Variants in PLEKHS1 observed in about 807,000 individuals in gnomAD.
PLEKHS1 encodes pleckstrin homology domain containing S1.
PLEKHS1 carries 55 observed loss-of-function variants against 51.0 expected under a neutral mutation model. The observed-to-expected ratio is 1.08, with a 90% confidence interval of 0.87 to 1.35. PLEKHS1 has a LOEUF of 1.35. PLEKHS1 is among the 40% of genes most tolerant of loss of function. The pLI is 0.00. For synonymous variants in PLEKHS1, 153 were observed against 144.8 expected (o/e 1.06, Z -0.41); for missense variants, 398 against 423.0 (o/e 0.94, Z 0.52).
intron 6 of PLEKHS1, 29 bp downstream of exon 6, chr10:113,768,919 G>C: frequency 6.4e-7 from 1 of 1,553,312 alleles, no homozygotes; most frequent in Non-Finnish European, 8.8e-7. Context: ...TAAAATAACA[G>C]GGCACCTGAA....
chr10:113,755,170 A>C, intron 1 of PLEKHS1, 89 bp from the exon 2 acceptor site: 7 of 1,407,730 alleles, frequency 5.0e-6, no homozygotes, highest in Non-Finnish European at 6.7e-6. Flanking sequence ...TCGTGAGCAC[A>C]ATCCTGATAC....
At chr10:113,774,715 A>G (rs933977813) in intron 9 of PLEKHS1, 111 bp from the exon 10 acceptor site, 5 of 917,170 alleles carry the variant, frequency 5.5e-6, no homozygotes, top group Admixed American at 4.2e-5. Context: ...ACATACGTCA[A>G]GACCTTGCTA....
At chr10:113,770,063 G>A (rs1025483305) in intron 7 of PLEKHS1, among the ~76,000 whole-genome samples, 163 bp downstream of exon 7, 1 of 152,214 alleles carries the variant, frequency 6.6e-6, no homozygotes, top group Non-Finnish European at 1.5e-5. Context: ...TACCACAGAT[G>A]AGCCTCACTG....
At position 113,777,269 on chromosome 10, in the gene PLEKHS1, A is replaced by G. The variant is rs1172074145; in HGVS notation, c.1091+1403A>G. 6.2e-7 allele frequency: 1 copy of G among 1,612,682 alleles called. No homozygotes were observed. The highest frequency in any genetic ancestry group is 2.2e-5 in the East Asian group (1 of 44,896). On this transcript the variant is annotated intron_variant, in intron 11 of 11. Coordinates refer to ENST00000361048, the Ensembl canonical transcript of PLEKHS1. ...GTCCATCCAGAAGGAGGTGAGTCGT[A>G]CTGACCAGCCCTGAACAGGGCAAAT...
rs756513733 is a variant in PLEKHS1, at chr10:113,774,895, C to A, written c.849C>A (p.Thr283=). Reference sequence around the variant, plus strand: ...AGGAACCCCAGACCCTTCCAGAGACCCAGGATGGGGACCTCCACCTGCAAG... The same window carrying A: ...AGGAACCCCAGACCCTTCCAGAGACACAGGATGGGGACCTCCACCTGCAAG... The change falls in exon 10 of 12, where the codon ACC becomes ACA. Residue 283 remains threonine (T), a synonymous_variant. Coordinates refer to ENST00000361048, the Ensembl canonical transcript of PLEKHS1. 135 of 1,614,000 alleles carry A rather than the reference C, an allele frequency of 8.4e-5. 2 individuals are homozygous for A. In the South Asian group the frequency reaches 1.4e-3, roughly 17 times the overall value.
At position 113,770,913 on chromosome 10, in the gene PLEKHS1, T is replaced by C. The variant is rs188652129; in HGVS notation, c.552+1013T>C. Among the ~76,000 whole-genome samples, 541 of 152,318 alleles carry C rather than the reference T, an allele frequency of 3.6e-3. 6 individuals are homozygous for C. Among genetic ancestry groups the C allele is most frequent in the African/African-American group, 0.013 (525 of 41,574 alleles). On this transcript the variant is annotated intron_variant, in intron 7 of 11. Transcript: ENST00000361048. Reference sequence around the variant, plus strand: ...TGGTGTTGTTGTTGGTTAAATTAAGTGGGCTGCCTTTACCCCCAACTCAGC... The same window carrying C: ...TGGTGTTGTTGTTGGTTAAATTAAGCGGGCTGCCTTTACCCCCAACTCAGC...
intron 9 of PLEKHS1, 111 bp from the exon 10 acceptor site, chr10:113,774,715 A>C (rs933977813): frequency 1.1e-6 from 1 of 917,288 alleles, no homozygotes; most frequent in African/African-American, 1.7e-5. Context: ...ACATACGTCA[A>C]GACCTTGCTA....
chr10:113,774,745 C>A, intron 9 of PLEKHS1, 81 bp from the exon 10 acceptor site: 2 of 1,271,706 alleles, frequency 1.6e-6, no homozygotes, highest in Non-Finnish European at 2.3e-6. Context: ...TGGCTGTTAG[C>A]TACTTAAATC....
chr10:113,774,778 TA>T (rs1338607188), intron 9 of PLEKHS1, 47 bp from the exon 10 acceptor site: 1 of 1,554,284 alleles, frequency 6.4e-7, no homozygotes, highest in Non-Finnish European at 8.9e-7. Context: ...GGGAACACTG[TA>T]AAAACACATG....
chr10:113,758,600 T>C (rs1282333501), intron 2 of PLEKHS1, among the ~76,000 whole-genome samples: 2 of 152,168 alleles, frequency 1.3e-5, no homozygotes, highest in African/African-American at 4.8e-5. Flanking sequence ...AGCTTTTAAT[T>C]GAAAGTGAGA....
At chr10:113,768,794 A>C in intron 5 of PLEKHS1, 21 bp from the exon 6 acceptor site, 2 of 1,602,304 alleles carry the variant, frequency 1.2e-6, no homozygotes, top group Non-Finnish European at 1.7e-6. Context: ...ATGCCAACTG[A>C]AAGTTTATTC....
At chr10:113,783,247 A>C (rs1400202862), downstream of PLEKHS1, 1 of 152,156 alleles carries the variant, frequency 6.6e-6, no homozygotes, top group Non-Finnish European at 1.5e-5. Context: ...AAAAAAAAAA[A>C]AAATCATGTG....
At chr10:113,772,160 T>C (rs891413655) in intron 8 of PLEKHS1, 71 bp downstream of exon 8, 5 of 1,540,144 alleles carry the variant, frequency 3.2e-6, no homozygotes, top group Admixed American at 3.5e-5. Context: ...CATGCACTTT[T>C]CGTGCAATAT....
intron 5 of PLEKHS1, among the ~76,000 whole-genome samples, chr10:113,768,515 G>T (rs919316142): frequency 1.3e-5 from 2 of 152,130 alleles, no homozygotes; most frequent in South Asian, 2.1e-4. Context: ...CAGGTTAGGG[G>T]GCTTGCTTGA....
At position 113,777,712 on chromosome 10, in the gene PLEKHS1, T is replaced by C. The variant is rs1020803411; in HGVS notation, c.1091+1846T>C. 79 of 1,514,896 alleles carry C rather than the reference T, an allele frequency of 5.2e-5. No individual in the cohort carries two copies. The Middle Eastern group carries it at 1.7e-3, about 32-fold the overall frequency. 93.8% of individuals were successfully genotyped at this position (1,514,896 alleles called of 1,614,324 possible). A position where few individuals can be genotyped will look rare whatever the true frequency, so the allele number is the denominator to read the frequency against. The stretch of plus-strand genomic sequence containing the variant: ...TGCTCAATAAAGCTACTAGTTACTT[T>C]TACTTCTACTACAACTGACCATGGA... On this transcript the variant is annotated intron_variant, in intron 11 of 11. Transcript: ENST00000361048.
intron 2 of PLEKHS1, among the ~76,000 whole-genome samples, chr10:113,763,797 CTTTA>C (rs1449005897): frequency 2.0e-5 from 3 of 152,074 alleles, no homozygotes; most frequent in African/African-American, 7.2e-5. Flanking sequence ...AATACATTGT[CTTTA>C]TTTTTGTTCA....
chr10:113,775,975 G>C (rs145922422), intron 11 of PLEKHS1, 109 bp downstream of exon 11: 7 of 747,220 alleles, frequency 9.4e-6, no homozygotes, highest in East Asian at 2.8e-5. Context: ...GGTTTGGGGC[G>C]GGGGAGCTTG....
chr10:113,767,138 A>C (rs1361712162), intron 4 of PLEKHS1, among the ~76,000 whole-genome samples: 2 of 152,236 alleles, frequency 1.3e-5, no homozygotes, highest in Non-Finnish European at 2.9e-5. Context: ...TTAAAATAGA[A>C]ATTTTTGAAT....
At chr10:113,759,744 T>C (rs1843832653) in intron 2 of PLEKHS1, among the ~76,000 whole-genome samples, 1 of 152,226 alleles carries the variant, frequency 6.6e-6, no homozygotes, top group African/African-American at 2.4e-5. Context: ...TGAACATTTG[T>C]GCATTAATTT....
Sources: gnomAD v4.1 joint callset for allele counts (sites outside exome capture counted in the v4.1 genomes callset) on GRCh38, gnomAD v4.1.1 for gene constraint, MANE v1.5 for transcripts, NCBI Gene and HGNC (gene_info 2026-07-23, HGNC 2026-07-21) for gene names.